The following CRHR2 variants were observed in gnomAD, a reference collection of about 807,000 sequenced individuals.
CRHR2 encodes the protein corticotropin releasing hormone receptor 2, also known as corticotropin-releasing hormone receptor 2.
In CRHR2, 53 loss-of-function variants were observed where a neutral mutation model predicts 57.9. The ratio of observed to expected loss-of-function variants is 0.92; its 90% CI spans 0.73 to 1.15. The LOEUF (loss-of-function observed/expected upper bound fraction) is 1.15, where lower values mean the gene tolerates loss of function less well. Among genes scored for constraint, CRHR2 ranks in the 50% most tolerant of loss-of-function variants. The pLI, the probability that CRHR2 is intolerant of heterozygous loss-of-function variation, is 0.00. For missense variants in CRHR2, 532 were observed against 542.6 expected, an observed-to-expected ratio of 0.98 and a Z score of 0.19; for synonymous variants, 213 against 220.9, an observed-to-expected ratio of 0.96 and a Z score of 0.32.
At chr7:30,678,916 C>T (rs1019826391) in intron 2 of CRHR2, among the ~76,000 whole-genome samples, 1 of 152,222 alleles carries the variant, frequency 6.6e-6, no homozygotes, top group Non-Finnish European at 1.5e-5. Flanking sequence ...GGACAGTGTG[C>T]TCCCAAAATT....
chr7:30,688,934 G>C, intron 2 of CRHR2: 2 of 598,610 alleles, frequency 3.3e-6, no homozygotes, highest in South Asian at 1.5e-5. Context: ...CAGCCCAGCT[G>C]ACTTCCATCG....
intron 3 of CRHR2, among the ~76,000 whole-genome samples, chr7:30,666,681 C>T (rs1310744271): frequency 3.3e-5 from 5 of 152,252 alleles, no homozygotes; most frequent in Non-Finnish European, 1.5e-5. Context: ...GGGGATGGAG[C>T]TGAGATGTAT....
At chr7:30,695,479 C>A (rs1310150274) in intron 1 of CRHR2, among the ~76,000 whole-genome samples, 1 of 151,990 alleles carries the variant, frequency 6.6e-6, no homozygotes, top group Non-Finnish European at 1.5e-5. Flanking sequence ...AATCCCTCTC[C>A]CCTCAGTCCT....
Position 30,665,531 on chromosome 7 carries a change from G to A in CRHR2, c.424C>T (p.Arg142Trp), listed in dbSNP as rs1226447646. Reference protein sequence around the residue: ...VAAFLLFLALRSIRCLRNVIH... With the variant: ...VAAFLLFLALWSIRCLRNVIH... Reference sequence around the variant, plus strand: ...AGCAAGGCGGAAGGGCAGACTCACCGCAGGGCCAGGAAAAGCAGGAAGGCG... The same window carrying A: ...AGCAAGGCGGAAGGGCAGACTCACCACAGGGCCAGGAAAAGCAGGAAGGCG... The change falls in exon 4 of 12, where the codon CGG (arginine) becomes TGG (tryptophan). Residue 142 changes from arginine (R) to tryptophan (W), a missense_variant and splice_region_variant. By Grantham distance (101) the Arg-to-Trp change is moderately radical. Transcript: ENST00000471646. The surrounding 1 kb of genome is among the most constrained non-coding windows in gnomAD (Gnocchi z 4.5). 9.6e-6 allele frequency: 15 copies of A among 1,556,184 alleles called. No individual in the cohort carries two copies. The highest frequency in any genetic ancestry group is 3.3e-4 in the Middle Eastern group (2 of 6,018).
At chr7:30,660,816 C>A (rs1783970473) in intron 7 of CRHR2, among the ~76,000 whole-genome samples, 171 bp from the exon 8 acceptor site, 1 of 152,242 alleles carries the variant, frequency 6.6e-6, no homozygotes, top group African/African-American at 2.4e-5. Flanking sequence ...CCCTTACCCA[C>A]CAGGCTGTCT....
chr7:30,689,436 C>A (rs187285313), intron 1 of CRHR2, among the ~76,000 whole-genome samples: 49 of 152,166 alleles, frequency 3.2e-4, no homozygotes, highest in Admixed American at 2.9e-3. Context: ...CCACATGGAG[C>A]AGCAGCAGTC....
chr7:30,682,142 G>C (rs1249592110), intron 1 of CRHR2, 36 bp downstream of exon 1: 1 of 1,535,086 alleles, frequency 6.5e-7, no homozygotes, highest in African/African-American at 1.4e-5. Context: ...GAGAGAAGGA[G>C]CCCGCGCAGC....
chr7:30,675,539 A>G (rs1259448786), intron 2 of CRHR2, among the ~76,000 whole-genome samples: 10 of 152,202 alleles, frequency 6.6e-5, no homozygotes, highest in Admixed American at 6.5e-4. Context: ...ATCGAGGCCC[A>G]TGCCCTGGTC....
intron 1 of CRHR2, among the ~76,000 whole-genome samples, chr7:30,689,758 G>C (rs1784925055): frequency 2.6e-5 from 4 of 152,248 alleles, no homozygotes; most frequent in Admixed American, 2.6e-4. Context: ...AGAAAGTGCA[G>C]AAGGAAGAGG....
intron 5 of CRHR2, among the ~76,000 whole-genome samples, chr7:30,663,444 C>G (rs1784086765): frequency 6.6e-6 from 1 of 152,180 alleles, no homozygotes; most frequent in Non-Finnish European, 1.5e-5. Flanking sequence ...GTCACTGCAC[C>G]TCTCTGAACC....
intron 2 of CRHR2, among the ~76,000 whole-genome samples, chr7:30,673,235 G>A: frequency 6.6e-6 from 1 of 151,444 alleles, no homozygotes; most frequent in Non-Finnish European, 1.5e-5. Context: ...TTTGAGATGG[G>A]GTCTCACTCT....
chr7:30,672,304 A>G (rs1200778031), intron 2 of CRHR2, among the ~76,000 whole-genome samples: 8 of 152,196 alleles, frequency 5.3e-5, no homozygotes, highest in African/African-American at 1.9e-4. Flanking sequence ...ACCCCTATAA[A>G]GGTGTTGTAC....
chr7:30,693,451 G>T (rs1456229257), intron 1 of CRHR2, among the ~76,000 whole-genome samples: 1 of 152,198 alleles, frequency 6.6e-6, no homozygotes, highest in Non-Finnish European at 1.5e-5. Flanking sequence ...TGCGGGGAGG[G>T]TGGCATCCAG....
intron 1 of CRHR2, among the ~76,000 whole-genome samples, chr7:30,694,203 C>T (rs1051775397): frequency 2.6e-5 from 4 of 152,236 alleles, no homozygotes; most frequent in African/African-American, 9.6e-5. Context: ...AGGTTGTGGG[C>T]TTTTCCTGCT....
intron 11 of CRHR2, 179 bp downstream of exon 11, chr7:30,654,860 C>T: frequency 6.5e-7 from 1 of 1,547,970 alleles, no homozygotes; most frequent in Non-Finnish European, 8.7e-7. Flanking sequence ...GCATAGTTGA[C>T]CTTCTAAACT....
intron 1 of CRHR2, among the ~76,000 whole-genome samples, chr7:30,694,255 C>T (rs979503299): frequency 6.6e-6 from 1 of 152,218 alleles, no homozygotes; most frequent in Non-Finnish European, 1.5e-5. Context: ...TGAGCCTAGC[C>T]TGTGTGAGGG....
At chr7:30,689,347 C>A in intron 1 of CRHR2, 1 of 1,331,636 alleles carries the variant, frequency 7.5e-7, no homozygotes, top group East Asian at 2.5e-5. Context: ...CAGTGCCTGT[C>A]TGCCCCCATC....
chr7:30,686,724 A>G (rs1017951966), upstream of CRHR2: 8 of 396,112 alleles, frequency 2.0e-5, no homozygotes, highest in East Asian at 4.2e-4. Flanking sequence ...TTTTTCAAAT[A>G]TATGTAGCTG....
At chr7:30,657,428 C>T (rs1328883506) in intron 8 of CRHR2, among the ~76,000 whole-genome samples, 1 of 152,168 alleles carries the variant, frequency 6.6e-6, no homozygotes, top group Admixed American at 6.5e-5. Flanking sequence ...CAGCTTTCTC[C>T]TAGGGCTCAC....
Sources: gnomAD v4.1 joint callset for allele counts (sites outside exome capture counted in the v4.1 genomes callset) on GRCh38, gnomAD v4.1.1 for gene constraint, Gnocchi (gnomAD v3.1) non-coding constraint, MANE v1.5 for transcripts, NCBI Gene and HGNC (gene_info 2026-07-23, HGNC 2026-07-21) for gene names.